The following HCK variants were observed in gnomAD, a reference collection of about 807,000 sequenced individuals.
HCK encodes HCK proto-oncogene, Src family tyrosine kinase, also known as tyrosine-protein kinase HCK.
In HCK, 40 loss-of-function variants were observed where a neutral mutation model predicts 70.4. That is an observed-to-expected ratio of 0.57 (90% CI 0.44 to 0.74). The LOEUF (loss-of-function observed/expected upper bound fraction) is 0.74, where lower values mean the gene tolerates loss of function less well. Ranked by LOEUF, HCK falls within the 30% of genes least tolerant of loss-of-function variation. HCK has a pLI of 0.00. For synonymous variants in HCK, 245 were observed against 263.2 expected, an observed-to-expected ratio of 0.93 and a Z score of 0.67; for missense variants, 568 against 697.2, an observed-to-expected ratio of 0.81 and a Z score of 2.09.
chr20:32,079,924 G>A, intron 6 of HCK, 47 bp downstream of exon 6: 1 of 1,358,446 alleles, frequency 7.4e-7, no homozygotes, highest in Non-Finnish European at 1.0e-6. Flanking sequence ...AGGTGCCCCA[G>A]CTGGGGCTGG....
chr20:32,099,131 C>A lies in HCK; in HGVS notation c.1374C>A (p.Tyr458Ter). The A allele has an allele frequency of 6.2e-7, 1 of 1,613,956 alleles. No homozygotes were observed. Among genetic ancestry groups the A allele is most frequent in the Non-Finnish European group, 8.5e-7 (1 of 1,179,872 alleles). The stretch of plus-strand genomic sequence containing the variant: ...TCGTCACCTACGGCCGGATCCCTTA[C>A]CCAGGTAGGGAAGGGGCATCAGCTC... The change falls in exon 12 of 13, where the codon TAC becomes TAA. Residue 458 changes from tyrosine (Y) to a stop codon, truncating the protein, a stop_gained. Transcript: ENST00000375852. LOFTEE classifies it high-confidence loss of function.
intron 10 of HCK, among the ~76,000 whole-genome samples, chr20:32,090,057 A>G (rs766719988): frequency 2.0e-5 from 3 of 152,202 alleles, no homozygotes; most frequent in Non-Finnish European, 2.9e-5. Context: ...AGGACACCAC[A>G]AAGTGTAACA....
chr20:32,094,091 A>G (rs138648125), intron 11 of HCK, 75 bp downstream of exon 11: 2 of 1,422,820 alleles, frequency 1.4e-6, no homozygotes, highest in Admixed American at 2.0e-5. Flanking sequence ...TACTTGTGAG[A>G]GCGATTGGTA....
In HCK at chr20:32,079,877, G is replaced by C; in HGVS notation, c.532G>C (p.Gly178Arg). Residue 178 changes from glycine (G) to arginine (R), a missense_variant and splice_region_variant, in exon 6 of 13, where the codon GGA becomes CGA. Coordinates refer to ENST00000375852, the MANE Select transcript of HCK (RefSeq NM_002110.5). Reference sequence around the variant, plus strand: ...GATCCGGGATAGCGAGACCACTAAAGGTGACACCAGCCCTCCCCACCTTGT... The same window carrying C: ...GATCCGGGATAGCGAGACCACTAAACGTGACACCAGCCCTCCCCACCTTGT... 6.2e-7 allele frequency: 1 copy of C among 1,606,316 alleles called. No individual in the cohort carries two copies.
At chr20:32,071,238 G>A (rs2045533880) in intron 1 of HCK, among the ~76,000 whole-genome samples, 1 of 152,216 alleles carries the variant, frequency 6.6e-6, no homozygotes, top group African/African-American at 2.4e-5. Context: ...TGAGAGGTGG[G>A]TAGGGGCAGG....
At chr20:32,073,079 G>A (rs2045567187) in intron 2 of HCK, among the ~76,000 whole-genome samples, 1 of 152,202 alleles carries the variant, frequency 6.6e-6, no homozygotes, top group Admixed American at 6.5e-5. Context: ...CAGCCTGGGT[G>A]ACAGAGTGAG....
At chr20:32,054,129 T>A (rs2045227456) in intron 1 of HCK, 5 of 429,296 alleles carry the variant, frequency 1.2e-5, no homozygotes, top group African/African-American at 4.1e-5. Context: ...TTTGAGATTT[T>A]AAAAAATTAA....
intron 5 of HCK, among the ~76,000 whole-genome samples, chr20:32,079,040 C>T (rs2045670609): frequency 6.6e-6 from 1 of 152,156 alleles, no homozygotes; most frequent in Non-Finnish European, 1.5e-5. Context: ...CCAAGGCAGG[C>T]TGAGGTCAGG....
In HCK at chr20:32,053,533, G is replaced by A. The variant is rs2045214392; in HGVS notation, c.62+1047G>A. Among the ~76,000 whole-genome samples the A allele has an allele frequency of 4.6e-5, 7 of 151,064 alleles. No individual in the cohort carries two copies. In the South Asian group the frequency reaches 1.5e-3, roughly 32 times the overall value. ...CACACCTTTAATCCCAGCTACTCGG[G>A]AGGCTGAGGCACGAGAATCACTTGA... On this transcript the variant is annotated intron_variant, in intron 1 of 12. Coordinates refer to ENST00000375852, the MANE Select transcript of HCK (RefSeq NM_002110.5).
intron 5 of HCK, among the ~76,000 whole-genome samples, chr20:32,077,332 C>T (rs1034634860): frequency 1.3e-5 from 2 of 152,142 alleles, no homozygotes; most frequent in Admixed American, 6.5e-5. Flanking sequence ...CTTCTTCCCA[C>T]CCTGTCCCCA....
chr20:32,078,201 A>ATTT (rs1196535364), intron 5 of HCK, among the ~76,000 whole-genome samples: 1 of 134,638 alleles, frequency 7.4e-6, no homozygotes, highest in South Asian at 2.4e-4. Flanking sequence ...TGCTCGGCTA[A>ATTT]TTTTTTTTTT....
chr20:32,074,081 T>C (rs73247052), intron 4 of HCK, among the ~76,000 whole-genome samples: 10 of 152,320 alleles, frequency 6.6e-5, no homozygotes, highest in African/African-American at 2.4e-4. Flanking sequence ...CTCCTGCGAT[T>C]AAGCCACCGG....
rs7263906 is a variant in HCK, at chr20:32,056,184, A to G, written c.62+3698A>G. ...GCACCTGTTTTCAATTCCTTTGGGTATATACCTGAAGTAGAGTTACTGGGT... is the reference window on the plus strand; with the variant it reads ...GCACCTGTTTTCAATTCCTTTGGGTGTATACCTGAAGTAGAGTTACTGGGT... On this transcript the variant is annotated intron_variant, in intron 1 of 12. Coordinates refer to ENST00000375852, the MANE Select transcript of HCK (RefSeq NM_002110.5). Among the ~76,000 whole-genome samples the G allele has an allele frequency of 7.8e-3, 1,183 of 152,344 alleles. 12 individuals are homozygous for G. The highest frequency in any genetic ancestry group is 0.026 in the African/African-American group (1,061 of 41,578).
In HCK at chr20:32,052,313, C is replaced by A; in HGVS notation, c.-112C>A. 1.4e-6 allele frequency: 1 copy of A among 717,928 alleles called. No homozygotes were observed. The highest frequency in any genetic ancestry group is 2.0e-6 in the Non-Finnish European group (1 of 499,028). 44.5% of individuals were successfully genotyped at this position (717,928 alleles called of 1,614,324 possible). On this transcript the variant is annotated 5_prime_UTR_variant, in exon 1 of 13. Coordinates refer to ENST00000375852, the MANE Select transcript of HCK (RefSeq NM_002110.5). Reference sequence around the variant, plus strand: ...CGAGTGGGAAGGGACTCAGACAGTGCAGGACGAGAAACGCCCGCGGCACCA... The same window carrying A: ...CGAGTGGGAAGGGACTCAGACAGTGAAGGACGAGAAACGCCCGCGGCACCA...
Position 32,101,690 on chromosome 20 carries a change from G to A in HCK, c.*171G>A. 1.9e-6 allele frequency: 1 copy of A among 535,818 alleles called. No homozygotes were observed. The allele number at this position is 535,818 out of a possible 1,614,324, so 33.2% of individuals were successfully genotyped here. ...AGGTTGGACTGGAAAATCTCTTTTT[G>A]ACTCTTGCAATCCACAATCTGACAT... On this transcript the variant is annotated 3_prime_UTR_variant, in exon 13 of 13. Transcript: ENST00000375852.
At chr20:32,094,825 GAAAGAAAGAAAGAAAGAAAGAAAGA>G (rs2122624287) in intron 11 of HCK, among the ~76,000 whole-genome samples, 1 of 142,042 alleles carries the variant, frequency 7.0e-6, no homozygotes, top group Non-Finnish European at 1.5e-5. Context: ...AAGAAAGAAA[GAAAGAAAGAAAGAAAGAAAGAAAGA>G]AAAGAAAGAA....
At position 32,068,428 on chromosome 20, in the gene HCK, TTTC is replaced by T. The variant is rs1157795918; in HGVS notation, c.63-3233_63-3231del. Among the ~76,000 whole-genome samples, 8 of 150,974 alleles carry T rather than the reference TTTC, an allele frequency of 5.3e-5. No individual in the cohort carries two copies. In the South Asian group the frequency reaches 8.3e-4, roughly 16 times the overall value. On this transcript the variant is annotated intron_variant, in intron 1 of 12. Coordinates refer to ENST00000375852, the MANE Select transcript of HCK (RefSeq NM_002110.5). Reference sequence around the variant, plus strand: ...AAGGAAAAAATAAAATAAAATAAAATTTCAATTTTAATTTTTAAAAACCTGGCT... The same window carrying T: ...AAGGAAAAAATAAAATAAAATAAAATAATTTTAATTTTTAAAAACCTGGCT...
chr20:32,053,637 CAAAA>C (rs1160849578), intron 1 of HCK, among the ~76,000 whole-genome samples: 1 of 60,822 alleles, frequency 1.6e-5, no homozygotes, highest in Admixed American at 2.0e-4. Flanking sequence ...GACTCTGTCT[CAAAA>C]AAAAAAAAAA....
Position 32,077,115 on chromosome 20 carries a change from C to A in HCK, c.428+2394C>A, listed in dbSNP as rs77889465. ...TAATAATAAAAATAACAAATGAATA[C>A]ACATATGTGTCCTTTCAGGGCACTC... On this transcript the variant is annotated intron_variant, in intron 5 of 12. Transcript: ENST00000375852. 0.016 allele frequency among the ~76,000 whole-genome samples: 2,380 copies of A among 152,170 alleles called. 135 individuals carry two copies. In the East Asian group the frequency reaches 0.2, roughly 13 times the overall value.
Sources: gnomAD v4.1 joint callset for allele counts (sites outside exome capture counted in the v4.1 genomes callset) on GRCh38, gnomAD v4.1.1 for gene constraint, MANE v1.5 for transcripts, NCBI Gene and HGNC (gene_info 2026-07-23, HGNC 2026-07-21) for gene names.